The following UBE2D2 variants were observed in gnomAD, a reference collection of about 807,000 sequenced individuals.
UBE2D2 encodes the protein ubiquitin-conjugating enzyme E2 D2.
UBE2D2 carries 2 observed loss-of-function variants against 24.2 expected under a neutral mutation model. The ratio of observed to expected loss-of-function variants is 0.08; its 90% CI spans 0.03 to 0.26. The LOEUF (loss-of-function observed/expected upper bound fraction) is 0.26. Among genes scored for constraint, UBE2D2 ranks in the 10% least tolerant of loss-of-function variants. UBE2D2 has a pLI of 1.00. For synonymous variants in UBE2D2, 58 were observed against 56.5 expected (o/e 1.03, Z -0.12); for missense variants, 44 against 177.6 (o/e 0.25, Z 4.28).
chr5:139,527,313 G>A (rs1348049732), intron 1 of UBE2D2, among the ~76,000 whole-genome samples: 1 of 152,106 alleles, frequency 6.6e-6, no homozygotes, highest in African/African-American at 2.4e-5. Flanking sequence ...GTAGTTAAGA[G>A]AACAGCAGCA....
At chr5:139,575,440 AAAG>A (rs1753449206) in intron 1 of UBE2D2, among the ~76,000 whole-genome samples, 1 of 152,184 alleles carries the variant, frequency 6.6e-6, no homozygotes, top group Admixed American at 6.5e-5. Flanking sequence ...CCAAGCAAAA[AAAG>A]AAAAACCTGA....
intron 1 of UBE2D2, among the ~76,000 whole-genome samples, chr5:139,585,882 A>C (rs1050636914): frequency 1.5e-5 from 2 of 136,646 alleles, no homozygotes; most frequent in African/African-American, 2.7e-5. Context: ...GATTGCAGTG[A>C]GTCGAGATTG....
At chr5:139,608,289 C>T (rs566424411) in intron 2 of UBE2D2, among the ~76,000 whole-genome samples, 4 of 151,582 alleles carry the variant, frequency 2.6e-5, no homozygotes, top group South Asian at 2.1e-4. Context: ...AAAAATTAGC[C>T]GGGTGAGGTG....
At chr5:139,594,206 A>G (rs2126679355) in intron 1 of UBE2D2, among the ~76,000 whole-genome samples, 1 of 152,266 alleles carries the variant, frequency 6.6e-6, no homozygotes, top group Admixed American at 6.5e-5. Flanking sequence ...AATAGCTTGT[A>G]AAGAAGCGTT....
intron 1 of UBE2D2, among the ~76,000 whole-genome samples, chr5:139,528,418 T>C (rs542091364): frequency 6.6e-5 from 10 of 152,042 alleles, no homozygotes; most frequent in Admixed American, 6.5e-5. Flanking sequence ...ACACTCTGTG[T>C]CAGAAAGAGA....
At chr5:139,577,858 T>G (rs10080073) in intron 1 of UBE2D2, among the ~76,000 whole-genome samples, 7,950 of 152,270 alleles carry the variant, frequency 0.052, 701 homozygotes, top group African/African-American at 0.18. Flanking sequence ...ACATGTGTGA[T>G]TAGTGTTACA....
At chr5:139,545,225 A>T (rs1752810405) in intron 1 of UBE2D2, among the ~76,000 whole-genome samples, 1 of 151,924 alleles carries the variant, frequency 6.6e-6, no homozygotes, top group African/African-American at 2.4e-5. Context: ...TGATGGATAG[A>T]TTGTCTTCAA....
intron 1 of UBE2D2, among the ~76,000 whole-genome samples, chr5:139,530,998 A>C (rs1752590502): frequency 6.6e-6 from 1 of 152,230 alleles, no homozygotes; most frequent in Non-Finnish European, 1.5e-5. Flanking sequence ...GTAAATCACT[A>C]TCAATCTATT....
intron 1 of UBE2D2, among the ~76,000 whole-genome samples, chr5:139,575,894 T>C (rs1167235845): frequency 6.6e-6 from 1 of 152,188 alleles, no homozygotes; most frequent in Non-Finnish European, 1.5e-5. Context: ...GGCACACGCC[T>C]GTAGTCATAG....
intron 1 of UBE2D2, among the ~76,000 whole-genome samples, chr5:139,529,705 T>C (rs1189067248): frequency 6.6e-6 from 1 of 152,110 alleles, no homozygotes; most frequent in Non-Finnish European, 1.5e-5. Flanking sequence ...AGCATCCTAA[T>C]AAAAGGAGAG....
intron 1 of UBE2D2, among the ~76,000 whole-genome samples, chr5:139,586,658 A>G (rs1309894741): frequency 6.6e-6 from 1 of 152,012 alleles, no homozygotes; most frequent in Non-Finnish European, 1.5e-5. Context: ...CCAGCTACTC[A>G]GGAGGCTGAG....
Position 139,605,737 on chromosome 5 carries a change from C to T in UBE2D2, c.88+5302C>T, listed in dbSNP as rs189551438. On this transcript the variant is annotated intron_variant, in intron 2 of 6. Coordinates refer to ENST00000398733, the MANE Select transcript of UBE2D2 (RefSeq NM_003339.3). The stretch of plus-strand genomic sequence containing the variant: ...TCTCCCTCCCTTCTCCCTCGTCTTC[C>T]TCTCCTCTGGTCTTCTTTAAAGGCA... 5.3e-4 allele frequency among the ~76,000 whole-genome samples: 79 copies of T among 150,066 alleles called. 2 individuals are homozygous for T. In the East Asian group the frequency reaches 0.01, roughly 19 times the overall value.
intron 1 of UBE2D2, among the ~76,000 whole-genome samples, chr5:139,549,193 A>C (rs1752872850): frequency 6.6e-6 from 1 of 152,138 alleles, no homozygotes; most frequent in African/African-American, 2.4e-5. Flanking sequence ...ACGTGCTAGC[A>C]GCCCTCACTC....
intron 1 of UBE2D2, among the ~76,000 whole-genome samples, chr5:139,572,622 T>C (rs1031124752): frequency 7.3e-5 from 11 of 151,518 alleles, no homozygotes; most frequent in African/African-American, 2.7e-4. Context: ...CAGCACAAAT[T>C]ACCTCAGATA....
intron 1 of UBE2D2, among the ~76,000 whole-genome samples, chr5:139,529,532 A>G (rs569959988): frequency 6.6e-6 from 1 of 152,144 alleles, no homozygotes. Context: ...AAAAGAAAAT[A>G]AAAAAAGATC....
At chr5:139,602,613 G>A (rs560400739) in intron 2 of UBE2D2, among the ~76,000 whole-genome samples, 11 of 152,212 alleles carry the variant, frequency 7.2e-5, no homozygotes, top group Non-Finnish European at 1.5e-5. Flanking sequence ...AGGCAGTTGA[G>A]GCTGTAGTGA....
chr5:139,538,623 C>A (rs1393254621), intron 1 of UBE2D2, among the ~76,000 whole-genome samples: 1 of 152,070 alleles, frequency 6.6e-6, no homozygotes, highest in Non-Finnish European at 1.5e-5. Flanking sequence ...GTAATCCCAG[C>A]ACTTTGGGAG....
At chr5:139,546,775 C>T (rs1398786717) in intron 1 of UBE2D2, among the ~76,000 whole-genome samples, 2 of 151,642 alleles carry the variant, frequency 1.3e-5, no homozygotes, top group East Asian at 2.0e-4. Flanking sequence ...CGTGAGCCAC[C>T]GTGCCTGGCC....
intron 2 of UBE2D2, among the ~76,000 whole-genome samples, chr5:139,606,250 G>A (rs1192594168): frequency 6.6e-6 from 1 of 151,954 alleles, no homozygotes; most frequent in Non-Finnish European, 1.5e-5. Context: ...AAACCTCTGC[G>A]TCCCAGGTTC....
Sources: gnomAD v4.1 joint callset for allele counts (sites outside exome capture counted in the v4.1 genomes callset) on GRCh38, gnomAD v4.1.1 for gene constraint, MANE v1.5 for transcripts, NCBI Gene and HGNC (gene_info 2026-07-23, HGNC 2026-07-21) for gene names.